Variants in FOXJ3 observed in about 807,000 individuals in gnomAD.
FOXJ3 encodes forkhead box protein J3.
A neutral mutation model predicts 76.1 loss-of-function variants in FOXJ3; 22 were observed. The observed-to-expected ratio is 0.29, with a 90% confidence interval of 0.21 to 0.41. The LOEUF is 0.41. Ranked by LOEUF, FOXJ3 falls within the 10% of genes least tolerant of loss-of-function variation. The probability of loss-of-function intolerance (pLI) is 1.00; values close to 1 mark genes in which losing one functional copy is unlikely to be tolerated. For missense variants in FOXJ3, 613 were observed against 762.1 expected (o/e 0.80, Z 2.30); for synonymous variants, 269 against 261.2 (o/e 1.03, Z -0.29).
chr1:42,255,187 T>C (rs1046319805), intron 4 of FOXJ3, among the ~76,000 whole-genome samples: 2 of 152,186 alleles, frequency 1.3e-5, no homozygotes, highest in Non-Finnish European at 2.9e-5. Flanking sequence ...GAAAGGAATG[T>C]AGATAAACGA....
chr1:42,284,857 A>G (rs1436410608), intron 2 of FOXJ3, among the ~76,000 whole-genome samples: 7 of 152,220 alleles, frequency 4.6e-5, no homozygotes, highest in Admixed American at 1.3e-4. Flanking sequence ...AGTAACATTA[A>G]TAGTATCTGT....
intron 4 of FOXJ3, among the ~76,000 whole-genome samples, chr1:42,249,222 A>C (rs1442743156): frequency 6.6e-6 from 1 of 152,178 alleles, no homozygotes; most frequent in Non-Finnish European, 1.5e-5. Context: ...ATGTATCTTT[A>C]AAATAGAATG....
intron 1 of FOXJ3, among the ~76,000 whole-genome samples, chr1:42,323,111 T>C (rs1655530449): frequency 1.3e-5 from 2 of 152,174 alleles, no homozygotes; most frequent in Non-Finnish European, 2.9e-5. Flanking sequence ...AAACTGGGTG[T>C]GTTTAGCTTG....
chr1:42,331,345 G>A (rs1244668163), intron 1 of FOXJ3, among the ~76,000 whole-genome samples: 1 of 152,072 alleles, frequency 6.6e-6, no homozygotes. Flanking sequence ...TGGCGCCACT[G>A]CACTCCAGCC....
intron 4 of FOXJ3, among the ~76,000 whole-genome samples, chr1:42,258,051 C>A (rs192027992): frequency 1.3e-5 from 2 of 152,242 alleles, no homozygotes; most frequent in East Asian, 3.9e-4. Context: ...GCTAAACATT[C>A]CAAATGGTGA....
intron 7 of FOXJ3, among the ~76,000 whole-genome samples, chr1:42,195,921 A>T (rs1646641995): frequency 6.6e-6 from 1 of 152,262 alleles, no homozygotes; most frequent in Non-Finnish European, 1.5e-5. Context: ...TTATCCTGGA[A>T]CAAGTGGTTT....
chr1:42,297,551 G>A (rs527878247), intron 2 of FOXJ3, among the ~76,000 whole-genome samples: 1 of 152,258 alleles, frequency 6.6e-6, no homozygotes, highest in Admixed American at 6.5e-5. Flanking sequence ...TTCTATTTAT[G>A]TGGTGAATCA....
chr1:42,205,805 C>G lies in FOXJ3; in HGVS notation c.587G>C (p.Gly196Ala), dbSNP rs1646849848. Reference protein sequence around the residue: ...DSLGMECIISGSASPTLAINT... With the variant: ...DSLGMECIISASASPTLAINT... ...GATTGCCAGAGTTGGAGAGGCACTT[C>G]CCGAAATAATACACTCCATTCCCAA... The change falls in exon 6 of 13, where the codon GGA becomes GCA. Residue 196 changes from glycine to alanine, a missense_variant. Gly to Ala is a moderately conservative substitution (Grantham distance 60). Around this residue, in one of 3 missense-constraint regions of FOXJ3, gnomAD observed 526 missense variants for 601.4 expected, o/e 0.87. Transcript: ENST00000361346. 6.2e-7 allele frequency: 1 copy of G among 1,612,174 alleles called. No homozygotes were observed. Among genetic ancestry groups the G allele is most frequent in the East Asian group, 2.2e-5 (1 of 44,830 alleles).
At chr1:42,299,503 T>G (rs1256370940) in intron 2 of FOXJ3, among the ~76,000 whole-genome samples, 1 of 151,728 alleles carries the variant, frequency 6.6e-6, no homozygotes, top group Non-Finnish European at 1.5e-5. Flanking sequence ...AACCAGTGTG[T>G]GTGGGGGGGT....
chr1:42,335,812 T>G (rs904935425), upstream of FOXJ3: 3 of 152,330 alleles, frequency 2.0e-5, no homozygotes, highest in African/African-American at 7.2e-5. Context: ...CTGGTCTTTC[T>G]TTCTTTCTTA....
rs968897670 is a variant in FOXJ3 at position 42,228,315 on chromosome 1, G to T, written c.445-349C>A. 3.9e-5 allele frequency among the ~76,000 whole-genome samples: 6 copies of T among 152,152 alleles called. No homozygotes were observed. The East Asian group carries it at 1.2e-3, about 29-fold the overall frequency. ...AAAGAATTTAATGTATAAAGATACT[G>T]TAGTTTCTATAGCCCAGGACCTCAC... On this transcript the variant is annotated intron_variant, in intron 4 of 12. Transcript: ENST00000361346.
intron 2 of FOXJ3, among the ~76,000 whole-genome samples, chr1:42,283,407 T>C (rs1192165550): frequency 6.6e-6 from 1 of 152,210 alleles, no homozygotes; most frequent in African/African-American, 2.4e-5. Context: ...TGATCCCATG[T>C]ATGCTTTTTA....
intron 5 of FOXJ3, among the ~76,000 whole-genome samples, chr1:42,217,191 T>C (rs1372711238): frequency 6.6e-6 from 1 of 152,196 alleles, no homozygotes; most frequent in African/African-American, 2.4e-5. Flanking sequence ...AAATTAATTA[T>C]ATTTTTATAT....
intron 2 of FOXJ3, among the ~76,000 whole-genome samples, chr1:42,305,347 C>CA (rs1333948879): frequency 7.9e-5 from 12 of 151,648 alleles, no homozygotes; most frequent in East Asian, 7.8e-4. Context: ...GGAAGTTCCT[C>CA]AAAAAAAACT....
chr1:42,248,910 C>T (rs888289512), intron 4 of FOXJ3, among the ~76,000 whole-genome samples: 11 of 151,942 alleles, frequency 7.2e-5, no homozygotes, highest in African/African-American at 2.2e-4. Flanking sequence ...TTGCTGCCCC[C>T]GCAACCCAAT....
At chr1:42,324,976 T>A (rs1655743643) in intron 1 of FOXJ3, among the ~76,000 whole-genome samples, 1 of 111,060 alleles carries the variant, frequency 9.0e-6, no homozygotes, top group Non-Finnish European at 2.0e-5. Context: ...GCAATAGAAA[T>A]TTTTCAGCTC....
intron 5 of FOXJ3, among the ~76,000 whole-genome samples, chr1:42,222,023 G>GAA (rs1557649347): frequency 0.13 from 435 of 3,242 alleles, 172 homozygotes; most frequent in Middle Eastern, 0.5. Context: ...AAGGAGAAGG[G>GAA]GGAGGGGGAG....
chr1:42,320,884 T>G (rs1356745299), intron 1 of FOXJ3, among the ~76,000 whole-genome samples: 1 of 152,182 alleles, frequency 6.6e-6, no homozygotes, highest in Non-Finnish European at 1.5e-5. Context: ...CTTCCCTGGA[T>G]CCTGTATCTT....
intron 1 of FOXJ3, among the ~76,000 whole-genome samples, 192 bp from the exon 2 acceptor site, chr1:42,311,302 TACACTCAGACAG>T (rs1402028169): frequency 2.0e-5 from 3 of 152,172 alleles, no homozygotes; most frequent in Non-Finnish European, 4.4e-5. Context: ...TAAGAGGGAT[TACACTCAGACAG>T]ACAGACATAT....
Sources: gnomAD v4.1 joint callset for allele counts (sites outside exome capture counted in the v4.1 genomes callset) on GRCh38, gnomAD v4.1.1 for gene constraint, gnomAD v4.1.1 regional missense constraint, MANE v1.5 for transcripts, NCBI Gene and HGNC (gene_info 2026-07-23, HGNC 2026-07-21) for gene names.